LINGO2: variants seen among roughly 807,000 people sequenced by gnomAD.
LINGO2 encodes leucine-rich repeat and immunoglobulin-like domain-containing nogo receptor-interacting protein 2.
In LINGO2, 14 loss-of-function variants were observed where a neutral mutation model predicts 30.6. The ratio of observed to expected loss-of-function variants is 0.46; its 90% CI spans 0.30 to 0.72. The LOEUF is 0.72. LINGO2 is among the 30% of genes least tolerant of loss of function. The pLI is 0.07. For synonymous variants in LINGO2, 317 were observed against 288.5 expected (o/e 1.10, Z -1.00); for missense variants, 729 against 751.7 (o/e 0.97, Z 0.35).
chr9:29,162,457 C>T, the LINGO2 span, among the ~76,000 whole-genome samples: 4 of 152,122 alleles, frequency 2.6e-5, no homozygotes, highest in Admixed American at 2.6e-4. Flanking sequence ...GAAAGGACAG[C>T]ATCTTATTTA....
At chr9:28,143,205 A>G (rs1165376951) in intron 4 of LINGO2, among the ~76,000 whole-genome samples, 2 of 152,190 alleles carry the variant, frequency 1.3e-5, no homozygotes, top group East Asian at 1.9e-4. Context: ...CGATATCTAC[A>G]TTAGATCCTT....
At chr9:28,124,341 G>C (rs1022178765) in intron 4 of LINGO2, among the ~76,000 whole-genome samples, 1 of 152,284 alleles carries the variant, frequency 6.6e-6, no homozygotes, top group African/African-American at 2.4e-5. Flanking sequence ...AAGACTTTGG[G>C]AGGACTAAAC....
At chr9:28,001,132 C>A (rs561067895) in intron 5 of LINGO2, among the ~76,000 whole-genome samples, 1 of 152,130 alleles carries the variant, frequency 6.6e-6, no homozygotes, top group East Asian at 1.9e-4. Context: ...CAGAAGTTTC[C>A]AAACAAATTT....
intron 1 of LINGO2, among the ~76,000 whole-genome samples, chr9:28,505,523 G>C (rs1029533856): frequency 3.3e-5 from 5 of 151,806 alleles, no homozygotes; most frequent in Admixed American, 2.6e-4. Flanking sequence ...AATTGAAAAG[G>C]CTTACTTTTG....
chr9:29,120,847 G>A, the LINGO2 span, among the ~76,000 whole-genome samples: 1 of 152,144 alleles, frequency 6.6e-6, no homozygotes, highest in Non-Finnish European at 1.5e-5. Context: ...AGTAGAACTT[G>A]CATGATAGAG....
At chr9:28,151,528 T>C (rs1370248019) in intron 4 of LINGO2, among the ~76,000 whole-genome samples, 1 of 151,830 alleles carries the variant, frequency 6.6e-6, no homozygotes, top group African/African-American at 2.4e-5. Context: ...CAAGATCAAC[T>C]TAAGATTATC....
chr9:28,355,052 A>T (rs1820112764), intron 3 of LINGO2, among the ~76,000 whole-genome samples: 1 of 152,172 alleles, frequency 6.6e-6, no homozygotes, highest in Non-Finnish European at 1.5e-5. Flanking sequence ...TACCCAAAAC[A>T]TTCTAAAACT....
chr9:28,156,875 G>A (rs918589770), intron 4 of LINGO2, among the ~76,000 whole-genome samples: 1 of 152,214 alleles, frequency 6.6e-6, no homozygotes, highest in Non-Finnish European at 1.5e-5. Context: ...TTATATCCAG[G>A]TCATGCTGAA....
intron 4 of LINGO2, among the ~76,000 whole-genome samples, chr9:28,131,952 G>T (rs1827389743): frequency 6.6e-6 from 1 of 152,088 alleles, no homozygotes; most frequent in Admixed American, 6.5e-5. Context: ...CATAGATTTG[G>T]GGGATCAAGG....
chr9:28,253,459 C>T (rs1324868503), intron 4 of LINGO2, among the ~76,000 whole-genome samples: 5 of 152,138 alleles, frequency 3.3e-5, no homozygotes, highest in Non-Finnish European at 7.4e-5. Flanking sequence ...AGTGAGAAAG[C>T]ATTCTTATTT....
At chr9:28,613,409 G>A (rs948291876) in intron 1 of LINGO2, among the ~76,000 whole-genome samples, 8 of 151,594 alleles carry the variant, frequency 5.3e-5, no homozygotes, top group African/African-American at 1.9e-4. Context: ...TATAGCTACA[G>A]ATAGGTACAT....
intron 1 of LINGO2, among the ~76,000 whole-genome samples, chr9:28,554,856 T>C (rs1281030354): frequency 3.5e-5 from 5 of 141,512 alleles, no homozygotes; most frequent in Admixed American, 7.1e-5. Context: ...TCAAAACCAC[T>C]CAACTACATG....
chr9:28,363,376 A>G (rs1290346014), intron 3 of LINGO2, among the ~76,000 whole-genome samples: 1 of 152,204 alleles, frequency 6.6e-6, no homozygotes, highest in Non-Finnish European at 1.5e-5. Flanking sequence ...AGGCTAAGCA[A>G]TCGTTTATCA....
At chr9:28,566,516 G>A (rs1030279830) in intron 1 of LINGO2, among the ~76,000 whole-genome samples, 3 of 152,052 alleles carry the variant, frequency 2.0e-5, no homozygotes, top group South Asian at 2.1e-4. Context: ...ATAATGTCAC[G>A]TACATTTGTG....
At chr9:28,205,948 C>T (rs12685449) in intron 4 of LINGO2, among the ~76,000 whole-genome samples, 12,096 of 151,764 alleles carry the variant, frequency 0.08, 692 homozygotes, top group East Asian at 0.21. Context: ...TTTGGGAGGC[C>T]GAAGTGGGCA....
intron 1 of LINGO2, among the ~76,000 whole-genome samples, chr9:28,637,923 GT>G (rs1332542719): frequency 6.6e-6 from 1 of 152,112 alleles, no homozygotes; most frequent in African/African-American, 2.4e-5. Context: ...AATGTTTCCA[GT>G]TTTTGCCCAT....
the LINGO2 span, among the ~76,000 whole-genome samples, chr9:29,149,366 G>A: frequency 1.3e-5 from 2 of 151,962 alleles, no homozygotes; most frequent in African/African-American, 4.8e-5. Flanking sequence ...ACTAGATGCA[G>A]CCAGGAAGTG....
At chr9:29,062,480 C>T in the LINGO2 span, among the ~76,000 whole-genome samples, 1 of 151,968 alleles carries the variant, frequency 6.6e-6, no homozygotes, top group East Asian at 1.9e-4. Flanking sequence ...ATGTGGTATA[C>T]ATATACAATA....
intron 2 of LINGO2, among the ~76,000 whole-genome samples, chr9:28,388,570 C>G (rs1821694646): frequency 6.6e-6 from 1 of 152,170 alleles, no homozygotes; most frequent in South Asian, 2.1e-4. Context: ...TTTGCCAAAA[C>G]TTCATATTAC....
Sources: gnomAD v4.1 joint callset for allele counts (sites outside exome capture counted in the v4.1 genomes callset) on GRCh38, gnomAD v4.1.1 for gene constraint, MANE v1.5 for transcripts, NCBI Gene and HGNC (gene_info 2026-07-23, HGNC 2026-07-21) for gene names.